The following RPN2 variants were observed in gnomAD, a reference collection of about 807,000 sequenced individuals.
RPN2 encodes ribophorin II, also known as dolichyl-diphosphooligosaccharide--protein glycosyltransferase subunit 2.
Under a neutral mutation model 71.4 loss-of-function variants are expected in RPN2, and 29 were observed. The observed-to-expected ratio is 0.41, with a 90% confidence interval of 0.30 to 0.55. RPN2 has a LOEUF of 0.55. Among genes scored for constraint, RPN2 ranks in the 20% least tolerant of loss-of-function variants. The pLI, the probability that RPN2 is intolerant of heterozygous loss-of-function variation, is 0.35. For missense variants in RPN2, 726 were observed against 774.1 expected, an observed-to-expected ratio of 0.94 and a Z score of 0.74; for synonymous variants, 308 against 305.0, an observed-to-expected ratio of 1.01 and a Z score of -0.10.
intron 10 of RPN2, among the ~76,000 whole-genome samples, chr20:37,225,080 C>A (rs930368916): frequency 5.3e-5 from 8 of 152,178 alleles, no homozygotes; most frequent in African/African-American, 1.9e-4. Context: ...GGCCATCTTA[C>A]CCTAAAATCC....
intron 8 of RPN2, among the ~76,000 whole-genome samples, chr20:37,211,598 C>T (rs867259919): frequency 3.3e-5 from 5 of 149,684 alleles, no homozygotes; most frequent in Admixed American, 6.6e-5. Context: ...GCTGAGAACG[C>T]GCCATTGCAC....
intron 9 of RPN2, among the ~76,000 whole-genome samples, chr20:37,220,183 TTG>T (rs369050797): frequency 1.2e-3 from 179 of 147,596 alleles, no homozygotes; most frequent in East Asian, 2.0e-3. Flanking sequence ...GTGTGTGTGT[TTG>T]TGTGTGTGTG....
chr20:37,209,430 A>G (rs763746316), intron 7 of RPN2, among the ~76,000 whole-genome samples: 2 of 151,604 alleles, frequency 1.3e-5, no homozygotes, highest in South Asian at 2.1e-4. Flanking sequence ...AAGTACTGCA[A>G]TTACAGGCAT....
intron 7 of RPN2, among the ~76,000 whole-genome samples, chr20:37,209,555 T>C (rs1364632896): frequency 1.3e-5 from 2 of 152,034 alleles, no homozygotes; most frequent in African/African-American, 2.4e-5. Flanking sequence ...ATGCTAACTC[T>C]TGGGCTCAAG....
rs372530860 is a variant in RPN2, at chr20:37,232,342, A to G, written c.1628A>G (p.Asn543Ser). The G allele has an allele frequency of 3.0e-5, 48 of 1,614,058 alleles. No homozygotes were observed. The highest frequency in any genetic ancestry group is 3.3e-4 in the Middle Eastern group (2 of 6,084). Reference protein sequence around the residue: ...PEKRPPTVVSNTFTALILSPL... With the variant: ...PEKRPPTVVSSTFTALILSPL... ...AAGAGGCCCCCCACCGTGGTGTCCA[A>G]TACATTCACTGCCCTGATCCTCTCG... The change falls in exon 14 of 17, where the codon AAT becomes AGT. Residue 543 changes from asparagine (N) to serine (S), a missense_variant. Asn to Ser is a conservative substitution (Grantham distance 46). Transcript: ENST00000237530.
chr20:37,236,783 G>T, intron 16 of RPN2, 74 bp downstream of exon 16: 1 of 1,480,736 alleles, frequency 6.8e-7, no homozygotes, highest in Non-Finnish European at 9.4e-7. Context: ...GCTCTTTGAA[G>T]GGTAGGTGGC....
At chr20:37,238,355 C>A in intron 16 of RPN2, 1 of 1,470,080 alleles carries the variant, frequency 6.8e-7, no homozygotes, top group Non-Finnish European at 9.4e-7. Flanking sequence ...GCTGATTTCT[C>A]CCCTCACTGT....
Position 37,225,727 on chromosome 20 carries a change from A to G in RPN2, c.1224A>G (p.Ala408=). 6.2e-7 allele frequency: 1 copy of G among 1,614,194 alleles called. No individual in the cohort carries two copies. Among genetic ancestry groups the G allele is most frequent in the Non-Finnish European group, 8.5e-7 (1 of 1,180,026 alleles). Residue 408 remains alanine, a synonymous_variant, in exon 11 of 17, where the codon GCA becomes GCG. Transcript: ENST00000237530. The stretch of plus-strand genomic sequence containing the variant: ...CCAAAGCCAAGGGCACATTCATCGC[A>G]GACAGCCACCAGAACTTCGCCTTGT... ...YPAKAKGTFI[A]DSHQNFALFF...
At chr20:37,239,289 C>T (rs1004179531) in intron 16 of RPN2, among the ~76,000 whole-genome samples, 12 of 152,216 alleles carry the variant, frequency 7.9e-5, no homozygotes, top group African/African-American at 2.7e-4. Context: ...TCCAACAAAA[C>T]TTTATTCACC....
In RPN2 at chr20:37,211,679, A is replaced by G. The variant is rs181842376; in HGVS notation, c.986+1514A>G. Among the ~76,000 whole-genome samples the G allele has an allele frequency of 4.9e-3, 738 of 150,110 alleles. 8 individuals are homozygous for G. The highest frequency in any genetic ancestry group is 0.017 in the African/African-American group (701 of 41,036). On this transcript the variant is annotated intron_variant, in intron 8 of 16. Coordinates refer to ENST00000237530, the MANE Select transcript of RPN2 (RefSeq NM_002951.5). ...AAAAAAAAATCAGGGTATGCTTTAT[A>G]TGTAACAATGTGCCACAAACTTTTT...
At chr20:37,195,331 A>G (rs1198442300) in intron 2 of RPN2, among the ~76,000 whole-genome samples, 1 of 152,146 alleles carries the variant, frequency 6.6e-6, no homozygotes, top group Admixed American at 6.5e-5. Flanking sequence ...GGACTGGTTT[A>G]CCTTGATTTG....
Position 37,184,180 on chromosome 20 carries a change from G to A in RPN2, c.14G>A (p.Gly5Asp). The A allele has an allele frequency of 1.2e-6, 2 of 1,614,118 alleles. No homozygotes were observed. The highest frequency in any genetic ancestry group is 1.7e-6 in the Non-Finnish European group (2 of 1,180,030). ...TACTGAATGGTTGTTTCCCCCCAAGGTTCAAGCACTGTCTTCCTGTTGGCC... is the reference window on the plus strand; with the variant it reads ...TACTGAATGGTTGTTTCCCCCCAAGATTCAAGCACTGTCTTCCTGTTGGCC... MAPP[G>D]SSTVFLLALT... Residue 5 changes from glycine (G) to aspartate (D), a missense_variant and splice_region_variant, in exon 2 of 17, where the codon GGT becomes GAT. Physicochemically the swap from Gly to Asp is moderately conservative, Grantham distance 94. Transcript: ENST00000237530.
At chr20:37,230,720 A>T (rs1037378457) in intron 13 of RPN2, among the ~76,000 whole-genome samples, 3 of 152,148 alleles carry the variant, frequency 2.0e-5, no homozygotes, top group African/African-American at 7.2e-5. Context: ...AAAACAGACT[A>T]CCTGCTGTCA....
At chr20:37,198,145 C>T (rs751234488) in intron 2 of RPN2, among the ~76,000 whole-genome samples, 10 of 152,168 alleles carry the variant, frequency 6.6e-5, no homozygotes, top group African/African-American at 9.7e-5. Flanking sequence ...ACAGGTGATC[C>T]GGGAAGTGGT....
At chr20:37,225,257 C>T (rs2068049631) in intron 10 of RPN2, among the ~76,000 whole-genome samples, 1 of 152,178 alleles carries the variant, frequency 6.6e-6, no homozygotes, top group Non-Finnish European at 1.5e-5. Context: ...TCTTTTGTGT[C>T]TCCTACCTGC....
rs1000553011 is a variant in RPN2, at chr20:37,223,744, A to G, written c.1093-134A>G. 5.5e-6 allele frequency: 4 copies of G among 730,892 alleles called. No homozygotes were observed. The African/African-American group carries it at 7.0e-5, about 13-fold the overall frequency. 45.3% of individuals were successfully genotyped at this position (730,892 alleles called of 1,614,324 possible). ...ACTGGGCTGGGTCAGTGTTATTATCATCCTTGAAGACTCTTGTTCTAGGAT... is the reference window on the plus strand; with the variant it reads ...ACTGGGCTGGGTCAGTGTTATTATCGTCCTTGAAGACTCTTGTTCTAGGAT... On this transcript the variant is annotated intron_variant, in intron 9 of 16. Transcript: ENST00000237530.
chr20:37,210,154 C>T lies in RPN2; in HGVS notation c.975C>T (p.Phe325=). 2 of 1,614,026 alleles carry T rather than the reference C, an allele frequency of 1.2e-6. No homozygotes were observed. The highest frequency in any genetic ancestry group is 1.7e-6 in the Non-Finnish European group (2 of 1,180,002). Residue 325 remains phenylalanine, a synonymous_variant, in exon 8 of 17, where the codon TTC becomes TTT. Coordinates refer to ENST00000237530, the MANE Select transcript of RPN2 (RefSeq NM_002951.5). ...CCACTGTCCTCCAGAAGACATCCTTCACCCCTGTAGGGTAAGTCCTGATCA... is the reference window on the plus strand; with the variant it reads ...CCACTGTCCTCCAGAAGACATCCTTTACCCCTGTAGGGTAAGTCCTGATCA... ...SRATVLQKTS[F]TPVGDVFELN... is the part of the protein sequence containing the mutation.
chr20:37,206,916 A>G (rs1256745158), intron 6 of RPN2, among the ~76,000 whole-genome samples: 2 of 152,004 alleles, frequency 1.3e-5, no homozygotes, highest in African/African-American at 4.8e-5. Flanking sequence ...TCTCTATGTT[A>G]GTCAGGCTGG....
chr20:37,181,100 G>A (rs1266500483), intron 1 of RPN2, among the ~76,000 whole-genome samples: 1 of 152,000 alleles, frequency 6.6e-6, no homozygotes, highest in Non-Finnish European at 1.5e-5. Context: ...ATGGTGGCAC[G>A]TGCCTGTAGT....
Sources: allele counts gnomAD v4.1 joint callset (sites outside exome capture counted in the v4.1 genomes callset), GRCh38; gene constraint gnomAD v4.1.1; transcripts MANE v1.5; gene names NCBI Gene and HGNC (gene_info 2026-07-23, HGNC 2026-07-21).